Variants in SIM2 observed in about 807,000 individuals in gnomAD.
SIM2 encodes the protein single-minded homolog 2.
A neutral mutation model predicts 64.8 loss-of-function variants in SIM2; 28 were observed. The ratio of observed to expected loss-of-function variants is 0.43; its 90% confidence interval spans 0.32 to 0.59. The LOEUF is 0.59. SIM2 is among the 20% of genes least tolerant of loss of function. The pLI is 0.07. For missense variants in SIM2, 847 were observed against 871.4 expected, an observed-to-expected ratio of 0.97 and a Z score of 0.35; for synonymous variants, 408 against 391.1, an observed-to-expected ratio of 1.04 and a Z score of -0.51.
At chr21:36,742,176 C>T (rs931450291) in intron 8 of SIM2, among the ~76,000 whole-genome samples, 4 of 151,852 alleles carry the variant, frequency 2.6e-5, no homozygotes, top group Admixed American at 2.6e-4. Context: ...TGGTGATGCC[C>T]CCCATCCTGA....
In SIM2 at chr21:36,747,087, G is replaced by C. The variant is rs1206907521; in HGVS notation, c.1577-578G>C. Among the ~76,000 whole-genome samples the C allele has an allele frequency of 2.2e-5, 3 of 138,722 alleles. No homozygotes were observed. The highest frequency in any genetic ancestry group is 4.7e-5 in the Non-Finnish European group (3 of 64,246). 91.0% of individuals were successfully genotyped at this position (138,722 alleles called of 152,430 possible). A position where few individuals can be genotyped will look rare whatever the true frequency, so the allele number is the denominator to read the frequency against. Reference sequence around the variant, plus strand: ...AAGCCAGGGAGCTACTTAATGTCAGGCATCGGACTGAGTAGATGGGAGTGG... The same window carrying C: ...AAGCCAGGGAGCTACTTAATGTCAGCCATCGGACTGAGTAGATGGGAGTGG... On this transcript the variant is annotated intron_variant, in intron 10 of 10. Transcript: ENST00000290399. The surrounding 1 kb of genome is among the most constrained non-coding windows in gnomAD (Gnocchi z 4.5).
chr21:36,723,537 G>A (rs764603486), intron 5 of SIM2, among the ~76,000 whole-genome samples: 3 of 152,176 alleles, frequency 2.0e-5, no homozygotes, highest in East Asian at 1.9e-4. Context: ...CCCTGCCGCC[G>A]ATGACGGTGT....
At chr21:36,701,513 TG>T (rs3216683) in intron 1 of SIM2, 52,421 of 152,142 alleles carry the variant, frequency 0.34, 9,892 homozygotes, top group Admixed American at 0.42. Flanking sequence ...CGGAGGGGGC[TG>T]GAAGCGGACC....
At chr21:36,744,126 G>A (rs2089197718) in intron 9 of SIM2, among the ~76,000 whole-genome samples, 1 of 152,074 alleles carries the variant, frequency 6.6e-6, no homozygotes. Context: ...CAGCTACTCA[G>A]GAGGCTGAGA....
At position 36,704,207 on chromosome 21, in the gene SIM2, A is replaced by G. The variant is rs375290532; in HGVS notation, c.175+4286A>G. 1.4e-4 allele frequency among the ~76,000 whole-genome samples: 21 copies of G among 152,252 alleles called. No homozygotes were observed. The East Asian group carries it at 1.9e-3, about 14-fold the overall frequency. Reference sequence around the variant, plus strand: ...ATCACCACTTCCACCTGAGCACACCACGAGAAGCCAGGTTATCTTAGAAAC... The same window carrying G: ...ATCACCACTTCCACCTGAGCACACCGCGAGAAGCCAGGTTATCTTAGAAAC... On this transcript the variant is annotated intron_variant, in intron 1 of 10. Transcript: ENST00000290399.
At chr21:36,736,119 C>T (rs548876603) in intron 7 of SIM2, among the ~76,000 whole-genome samples, 32 of 152,202 alleles carry the variant, frequency 2.1e-4, no homozygotes, top group Non-Finnish European at 3.4e-4. Context: ...CTGCCACAAC[C>T]GAGTGTAGCT....
intron 3 of SIM2, among the ~76,000 whole-genome samples, chr21:36,715,515 G>T (rs2835445): frequency 1.3e-5 from 2 of 152,104 alleles, no homozygotes; most frequent in African/African-American, 4.8e-5. Context: ...CTTTTAAAAA[G>T]AATTTCTGAT....
At chr21:36,701,904 C>T (rs566920903) in intron 1 of SIM2, among the ~76,000 whole-genome samples, 1 of 152,352 alleles carries the variant, frequency 6.6e-6, no homozygotes, top group African/African-American at 2.4e-5. Context: ...TCACTGCCTT[C>T]TGCCCCCTTT....
At position 36,749,060 on chromosome 21, in the gene SIM2, T is replaced by C. The variant is rs1472764786; in HGVS notation, c.*968T>C. ...GCTTAAGGGGGTGTAATGAAAATGA[T>C]GTAGACATTTTAAGCATTTTCTACA... On this transcript the variant is annotated 3_prime_UTR_variant, in exon 11 of 11. Coordinates refer to ENST00000290399, the MANE Select transcript of SIM2 (RefSeq NM_005069.6). 6.5e-6 allele frequency: 1 copy of C among 152,672 alleles called. No homozygotes were observed. Among genetic ancestry groups the C allele is most frequent in the Non-Finnish European group, 1.5e-5 (1 of 68,050 alleles). 9.5% of individuals were successfully genotyped at this position (152,672 alleles called of 1,614,324 possible).
intron 7 of SIM2, among the ~76,000 whole-genome samples, chr21:36,737,542 G>A (rs2089081832): frequency 6.6e-6 from 1 of 152,200 alleles, no homozygotes; most frequent in African/African-American, 2.4e-5. Context: ...TGTGTCATGG[G>A]ACACTGGGCT....
chr21:36,724,549 G>T (rs1601698760), intron 5 of SIM2, among the ~76,000 whole-genome samples: 1 of 152,194 alleles, frequency 6.6e-6, no homozygotes, highest in Non-Finnish European at 1.5e-5. Flanking sequence ...AAAGTGTCAG[G>T]ATTACAGACA....
chr21:36,722,818 T>A (rs532086238), intron 4 of SIM2, among the ~76,000 whole-genome samples: 2 of 152,296 alleles, frequency 1.3e-5, no homozygotes, highest in African/African-American at 4.8e-5. Context: ...TGGCCTCGTT[T>A]GGCTGCCTTC....
chr21:36,701,000 G>A (rs1395765925), intron 1 of SIM2, among the ~76,000 whole-genome samples: 1 of 152,256 alleles, frequency 6.6e-6, no homozygotes, highest in African/African-American at 2.4e-5. Context: ...CGAGCAGCAG[G>A]TCTGAGCGTT....
In SIM2 at chr21:36,723,047, T is replaced by C. The variant is rs1360684127; in HGVS notation, c.460T>C (p.Tyr154His). The change falls in exon 5 of 11, where the codon TAT (tyrosine) becomes CAT (histidine). Residue 154 changes from tyrosine (Y) to histidine (H), a missense_variant and splice_region_variant. By Grantham distance (83) the Tyr-to-His change is moderately conservative. This residue lies in a region of SIM2 where 397 missense variants were observed against 439.2 expected (regional missense o/e 0.90). Coordinates refer to ENST00000290399, the MANE Select transcript of SIM2 (RefSeq NM_005069.6). ...QPLHHHLLQE[Y>H]EIERSFFLRM... ...CCTCATCTTGCTCCTGCTTGCAGAG[T>C]ATGAGATAGAGAGGTCGTTCTTTCT... 6.2e-7 allele frequency: 1 copy of C among 1,613,644 alleles called. No individual in the cohort carries two copies. The highest frequency in any genetic ancestry group is 2.2e-5 in the East Asian group (1 of 44,866).
At position 36,745,789 on chromosome 21, in the gene SIM2, T is replaced by C; in HGVS notation, c.1576+653T>C. The C allele has an allele frequency of 1.5e-6, 2 of 1,303,570 alleles. No homozygotes were observed. Among genetic ancestry groups the C allele is most frequent in the Non-Finnish European group, 2.0e-6 (2 of 988,436 alleles). 80.8% of individuals were successfully genotyped at this position (1,303,570 alleles called of 1,614,324 possible). Reference sequence around the variant, plus strand: ...GGAATGGCCTTTCACCTTCTCCTGGTGGCAGGCAAGCAGATGTCCTCTGCG... The same window carrying C: ...GGAATGGCCTTTCACCTTCTCCTGGCGGCAGGCAAGCAGATGTCCTCTGCG... On this transcript the variant is annotated intron_variant, in intron 10 of 10. Coordinates refer to ENST00000290399, the MANE Select transcript of SIM2 (RefSeq NM_005069.6). This position sits in a 1 kb window ranked among gnomAD's most constrained non-coding sequence, Gnocchi z 4.8.
chr21:36,737,973 A>AAAAAAAAAAAG (rs1555877008), intron 7 of SIM2, among the ~76,000 whole-genome samples: 1 of 120,242 alleles, frequency 8.3e-6, no homozygotes, highest in Non-Finnish European at 2.0e-5. Flanking sequence ...AAAAAAAAAA[A>AAAAAAAAAAAG]AAAAAAAAAG....
intron 1 of SIM2, among the ~76,000 whole-genome samples, chr21:36,705,126 G>T (rs2088561566): frequency 6.6e-6 from 1 of 152,208 alleles, no homozygotes; most frequent in African/African-American, 2.4e-5. Context: ...AGCCCCCTGA[G>T]CCTACCGCCC....
At chr21:36,717,603 A>T (rs1388604776) in intron 3 of SIM2, among the ~76,000 whole-genome samples, 1 of 151,534 alleles carries the variant, frequency 6.6e-6, no homozygotes, top group Admixed American at 6.6e-5. Flanking sequence ...GCATGCCACC[A>T]CGCCCGGCTA....
rs1326673151 is a variant in SIM2, at chr21:36,720,054, G to T, written c.457+125G>T. ...GCATGACTAGGACTGCCCAGCCCAG[G>T]TCTCTCCAATACACACACAGCACCC... On this transcript the variant is annotated intron_variant, in intron 4 of 10. Transcript: ENST00000290399. The T allele has an allele frequency of 2.3e-5, 16 of 681,148 alleles. No homozygotes were observed. The Admixed American group carries it at 3.3e-4, about 14-fold the overall frequency. The allele number at this position is 681,148 out of a possible 1,614,324, so 42.2% of individuals were successfully genotyped here.
Sources: gnomAD v4.1 joint callset for allele counts (sites outside exome capture counted in the v4.1 genomes callset) on GRCh38, gnomAD v4.1.1 for gene constraint, gnomAD v4.1.1 regional missense constraint, Gnocchi (gnomAD v3.1) non-coding constraint, MANE v1.5 for transcripts, NCBI Gene and HGNC (gene_info 2026-07-23, HGNC 2026-07-21) for gene names.